Variants in MACROD2 observed in about 807,000 individuals in gnomAD.
MACROD2 encodes the protein ADP-ribose glycohydrolase MACROD2.
A neutral mutation model predicts 70.4 loss-of-function variants in MACROD2; 36 were observed. That is an observed-to-expected ratio of 0.51 (90% confidence interval 0.39 to 0.68). The LOEUF (loss-of-function observed/expected upper bound fraction) is 0.68. Among genes scored for constraint, MACROD2 ranks in the 30% least tolerant of loss-of-function variants. MACROD2 has a pLI of 0.00. For synonymous variants in MACROD2, 172 were observed against 178.8 expected, an observed-to-expected ratio of 0.96 and a Z score of 0.30; for missense variants, 496 against 538.4, an observed-to-expected ratio of 0.92 and a Z score of 0.78.
chr20:15,661,613 T>C (rs1419855906), intron 8 of MACROD2, among the ~76,000 whole-genome samples: 1 of 152,052 alleles, frequency 6.6e-6, no homozygotes, highest in African/African-American at 2.4e-5. Flanking sequence ...GTACTGGGGG[T>C]AAAATTTCAA....
At chr20:14,488,107 CAAAT>C (rs755783256) in intron 3 of MACROD2, among the ~76,000 whole-genome samples, 1 of 152,166 alleles carries the variant, frequency 6.6e-6, no homozygotes, top group Non-Finnish European at 1.5e-5. Flanking sequence ...CACATTCTCT[CAAAT>C]AAGCATATCT....
intron 5 of MACROD2, among the ~76,000 whole-genome samples, chr20:14,809,954 C>G (rs2072688881): frequency 8.1e-6 from 1 of 123,980 alleles, no homozygotes; most frequent in African/African-American, 2.6e-5. Context: ...AATAGCCTAC[C>G]AACCAAAAAA....
chr20:14,861,992 TTTA>T (rs2073325681), intron 5 of MACROD2, among the ~76,000 whole-genome samples: 1 of 64,490 alleles, frequency 1.6e-5, no homozygotes, highest in Non-Finnish European at 2.7e-5. Flanking sequence ...TATATATATA[TTTA>T]TATATATATT....
intron 5 of MACROD2, among the ~76,000 whole-genome samples, chr20:14,726,102 G>T (rs956970464): frequency 2.6e-5 from 4 of 152,024 alleles, no homozygotes; most frequent in Admixed American, 1.3e-4. Context: ...CTTCATAATG[G>T]TCATACCAAA....
chr20:15,096,471 C>T (rs1343968345), intron 5 of MACROD2, among the ~76,000 whole-genome samples: 10 of 147,328 alleles, frequency 6.8e-5, no homozygotes, highest in Non-Finnish European at 1.2e-4. Context: ...TATATAAATA[C>T]GTATTTATAT....
intron 6 of MACROD2, among the ~76,000 whole-genome samples, chr20:15,365,283 G>A (rs2045392539): frequency 6.6e-6 from 1 of 151,508 alleles, no homozygotes; most frequent in Non-Finnish European, 1.5e-5. Context: ...GGTGTAATAA[G>A]GAAAGAAAAA....
chr20:14,344,022 T>C (rs529331761), intron 3 of MACROD2, among the ~76,000 whole-genome samples: 2 of 152,338 alleles, frequency 1.3e-5, no homozygotes, highest in African/African-American at 2.4e-5. Flanking sequence ...GATTTTTTTT[T>C]CTGGAAACTG....
intron 4 of MACROD2, among the ~76,000 whole-genome samples, chr20:14,640,020 T>G (rs976104847): frequency 6.6e-6 from 1 of 152,196 alleles, no homozygotes; most frequent in Non-Finnish European, 1.5e-5. Context: ...TGTTGTTGTT[T>G]ACTTTTTTGG....
intron 7 of MACROD2, among the ~76,000 whole-genome samples, chr20:15,451,539 C>T (rs888136902): frequency 6.6e-6 from 1 of 151,758 alleles, no homozygotes; most frequent in Non-Finnish European, 1.5e-5. Context: ...AGCTGTCAGA[C>T]CTGCAGAAAG....
intron 3 of MACROD2, among the ~76,000 whole-genome samples, chr20:14,244,558 G>T (rs911568762): frequency 1.3e-5 from 2 of 152,122 alleles, no homozygotes; most frequent in Non-Finnish European, 2.9e-5. Context: ...GCAGCCCATG[G>T]GTGGATCTAT....
intron 6 of MACROD2, among the ~76,000 whole-genome samples, chr20:15,407,152 C>A (rs1018406157): frequency 1.3e-5 from 2 of 152,192 alleles, no homozygotes; most frequent in Non-Finnish European, 2.9e-5. Context: ...TACTACCCGG[C>A]TTTTTCACTT....
intron 15 of MACROD2, among the ~76,000 whole-genome samples, chr20:16,004,798 ACTCT>A (rs1307124362): frequency 1.3e-5 from 2 of 151,590 alleles, no homozygotes; most frequent in African/African-American, 2.4e-5. Context: ...GTCTTGCAGT[ACTCT>A]CTCTCTTTCT....
At chr20:15,281,110 A>G (rs1642339406) in intron 6 of MACROD2, among the ~76,000 whole-genome samples, 1 of 152,224 alleles carries the variant, frequency 6.6e-6, no homozygotes, top group African/African-American at 2.4e-5. Flanking sequence ...GAACTCACTC[A>G]CTATCACAAG....
intron 3 of MACROD2, among the ~76,000 whole-genome samples, chr20:14,181,633 A>C (rs1474019838): frequency 2.6e-5 from 4 of 151,356 alleles, no homozygotes; most frequent in Non-Finnish European, 1.5e-5. Context: ...CAACTTTGTC[A>C]CATCCCATTT....
intron 3 of MACROD2, among the ~76,000 whole-genome samples, chr20:14,308,061 C>T (rs2082535503): frequency 6.6e-6 from 1 of 152,122 alleles, no homozygotes; most frequent in Admixed American, 6.6e-5. Context: ...CAGGAACAGT[C>T]TGAGTGCTAT....
Position 15,455,027 on chromosome 20 carries a change from A to T in MACROD2, c.571+23592A>T, listed in dbSNP as rs149337207. Among the ~76,000 whole-genome samples, 25 of 152,242 alleles carry T rather than the reference A, an allele frequency of 1.6e-4. No homozygotes were observed. In the East Asian group the frequency reaches 4.1e-3, roughly 25 times the overall value. Reference sequence around the variant, plus strand: ...TCTCATTGATGAGGAAAGCTGGCTTATGGTCACACAGAGACCACAAGTACC... The same window carrying T: ...TCTCATTGATGAGGAAAGCTGGCTTTTGGTCACACAGAGACCACAAGTACC... On this transcript the variant is annotated intron_variant, in intron 7 of 17. Coordinates refer to ENST00000684519, the MANE Select transcript of MACROD2 (RefSeq NM_001351661.2).
At chr20:14,418,531 C>T (rs1182771628) in intron 3 of MACROD2, among the ~76,000 whole-genome samples, 2 of 152,202 alleles carry the variant, frequency 1.3e-5, no homozygotes, top group Non-Finnish European at 2.9e-5. Flanking sequence ...GAGAAAGTTA[C>T]TCCCCAACTA....
chr20:14,538,579 C>A (rs1165705614), intron 4 of MACROD2, among the ~76,000 whole-genome samples: 2 of 152,150 alleles, frequency 1.3e-5, no homozygotes, highest in Non-Finnish European at 1.5e-5. Context: ...TCTTCACCTC[C>A]CACCTCTCTA....
At chr20:15,063,059 G>A (rs1449127691) in intron 5 of MACROD2, among the ~76,000 whole-genome samples, 2 of 152,138 alleles carry the variant, frequency 1.3e-5, no homozygotes, top group African/African-American at 2.4e-5. Flanking sequence ...AAAGGGATTC[G>A]AAGCAGCAAA....
Sources: allele counts gnomAD v4.1 joint callset (sites outside exome capture counted in the v4.1 genomes callset), GRCh38; gene constraint gnomAD v4.1.1; transcripts MANE v1.5; gene names NCBI Gene and HGNC (gene_info 2026-07-23, HGNC 2026-07-21).